Variants in CHD9 observed in about 807,000 individuals in gnomAD.
CHD9 encodes chromodomain helicase DNA binding protein 9.
In CHD9, 77 loss-of-function variants were observed where a neutral mutation model predicts 316.1. The observed-to-expected ratio is 0.24, with a 90% CI of 0.20 to 0.29. The LOEUF (loss-of-function observed/expected upper bound fraction) is 0.29. Ranked by LOEUF, CHD9 falls within the 10% of genes least tolerant of loss-of-function variation. The probability of loss-of-function intolerance (pLI) is 1.00; values close to 1 mark genes in which losing one functional copy is unlikely to be tolerated. For missense variants in CHD9, 2,763 were observed against 3,438.1 expected, an observed-to-expected ratio of 0.80 and a Z score of 4.91; for synonymous variants, 1,129 against 1,158.3, an observed-to-expected ratio of 0.97 and a Z score of 0.51.
At position 53,296,740 on chromosome 16, in the gene CHD9, C is replaced by T. The variant is rs147841746; in HGVS notation, c.5511-216C>T. 1.1e-3 allele frequency among the ~76,000 whole-genome samples: 167 copies of T among 151,846 alleles called. No homozygotes were observed. The East Asian group carries it at 0.026, about 24-fold the overall frequency. ...GATTACAGGCATGAGCCACCGCGCCCGACCCATTAAAAGTAAATTTTTCTA... is the reference window on the plus strand; with the variant it reads ...GATTACAGGCATGAGCCACCGCGCCTGACCCATTAAAAGTAAATTTTTCTA... On this transcript the variant is annotated intron_variant, in intron 29 of 38. Coordinates refer to ENST00000447540, the MANE Select transcript of CHD9 (RefSeq NM_001308319.2).
chr16:53,136,135 A>G (rs1376050265), intron 1 of CHD9, among the ~76,000 whole-genome samples: 1 of 152,202 alleles, frequency 6.6e-6, no homozygotes, highest in African/African-American at 2.4e-5. Context: ...AATAGCTGTC[A>G]GATACTGATG....
chr16:53,183,773 ACAATACAATG>A (rs1397355767), intron 2 of CHD9, among the ~76,000 whole-genome samples: 2 of 152,154 alleles, frequency 1.3e-5, no homozygotes, highest in East Asian at 3.9e-4. Context: ...ACAATACAAT[ACAATACAATG>A]CAATACAATG....
At chr16:53,097,354 CCCTTCCTTCCTT>C (rs58688221) in intron 1 of CHD9, among the ~76,000 whole-genome samples, 194 of 92,156 alleles carry the variant, frequency 2.1e-3, no homozygotes, top group Middle Eastern at 4.7e-3. Context: ...ACCTCGCTCT[CCCTTCCTTCCTT>C]CCTTCCTTCC....
At chr16:53,274,464 C>T (rs1279950453) in intron 24 of CHD9, among the ~76,000 whole-genome samples, 162 bp downstream of exon 24, 2 of 151,948 alleles carry the variant, frequency 1.3e-5, no homozygotes, top group African/African-American at 2.4e-5. Flanking sequence ...TTTATTTATT[C>T]ATTTTTTTTT....
chr16:53,270,104 A>G (rs2052091597), intron 22 of CHD9, among the ~76,000 whole-genome samples: 2 of 151,678 alleles, frequency 1.3e-5, no homozygotes, highest in Admixed American at 6.6e-5. Context: ...TCCTGGGCTC[A>G]AGTGATCCTC....
At chr16:53,076,971 G>A (rs1257733138) in intron 1 of CHD9, among the ~76,000 whole-genome samples, 1 of 148,812 alleles carries the variant, frequency 6.7e-6, no homozygotes, top group Non-Finnish European at 1.5e-5. Flanking sequence ...CATGCCACCA[G>A]GCCCAACTAA....
chr16:53,171,501 A>C (rs1283546100), intron 2 of CHD9, among the ~76,000 whole-genome samples: 2 of 152,224 alleles, frequency 1.3e-5, no homozygotes, highest in African/African-American at 4.8e-5. Flanking sequence ...AGATAGACAT[A>C]TGACAACTAG....
chr16:53,287,158 G>A (rs371145538), intron 26 of CHD9, among the ~76,000 whole-genome samples: 29 of 152,178 alleles, frequency 1.9e-4, no homozygotes, highest in African/African-American at 6.0e-4. Context: ...TAGAGATGAG[G>A]TCTCCCTGTG....
At chr16:53,231,849 C>T (rs2048202832) in intron 10 of CHD9, 65 bp downstream of exon 10, 5 of 1,329,222 alleles carry the variant, frequency 3.8e-6, no homozygotes, top group Non-Finnish European at 5.2e-6. Context: ...TATGATATTG[C>T]TAATAATTAT....
intron 24 of CHD9, among the ~76,000 whole-genome samples, chr16:53,276,140 T>C (rs1171669291): frequency 2.0e-5 from 3 of 152,198 alleles, no homozygotes; most frequent in Non-Finnish European, 4.4e-5. Context: ...ATAGATTCTA[T>C]AGTCTAGCAC....
chr16:53,195,096 CA>C (rs1021568942), intron 2 of CHD9, among the ~76,000 whole-genome samples: 1 of 152,104 alleles, frequency 6.6e-6, no homozygotes, highest in African/African-American at 2.4e-5. Context: ...AGAAAATACA[CA>C]AATTAAAAGT....
intron 3 of CHD9, among the ~76,000 whole-genome samples, chr16:53,211,735 CATTT>C (rs1302759697): frequency 6.6e-6 from 1 of 150,824 alleles, no homozygotes; most frequent in African/African-American, 2.4e-5. Flanking sequence ...CAGTGTCAAT[CATTT>C]ATATCAGTCA....
chr16:53,159,244 T>C (rs917108717), intron 2 of CHD9, among the ~76,000 whole-genome samples: 4 of 151,954 alleles, frequency 2.6e-5, no homozygotes, highest in African/African-American at 9.7e-5. Context: ...ATCACACCAC[T>C]GCCAGTCTAG....
intron 1 of CHD9, among the ~76,000 whole-genome samples, chr16:53,089,579 A>G (rs908889012): frequency 6.6e-5 from 10 of 152,354 alleles, no homozygotes; most frequent in Admixed American, 2.0e-4. Flanking sequence ...GACTTTGCCC[A>G]TGGTCAACAT....
chr16:53,217,519 G>C (rs2046857933), intron 3 of CHD9, among the ~76,000 whole-genome samples: 2 of 152,118 alleles, frequency 1.3e-5, no homozygotes, highest in Non-Finnish European at 2.9e-5. Context: ...TTCCAAAAGT[G>C]CTGGGATCAC....
chr16:53,229,252 A>G (rs1027879044), intron 8 of CHD9, among the ~76,000 whole-genome samples, 152 bp downstream of exon 8: 5 of 152,174 alleles, frequency 3.3e-5, no homozygotes, highest in African/African-American at 1.2e-4. Flanking sequence ...TCTCTTCTCA[A>G]AATTAGCTTG....
Position 53,285,716 on chromosome 16 carries a change from G to A in CHD9, c.5071+17G>A, listed in dbSNP as rs1193557023. 7.0e-7 allele frequency: 1 copy of A among 1,424,870 alleles called. No homozygotes were observed. Among genetic ancestry groups the A allele is most frequent in the Non-Finnish European group, 9.8e-7 (1 of 1,017,322 alleles). 88.3% of individuals were successfully genotyped at this position (1,424,870 alleles called of 1,614,324 possible). ...TTAAACATGGTAAGTAAGAAGTAAG[G>A]TAGGTGAGATCCCCTTCTATGTATA... On this transcript the variant is annotated intron_variant, in intron 25 of 38. Coordinates refer to ENST00000447540, the MANE Select transcript of CHD9 (RefSeq NM_001308319.2).
At chr16:53,132,793 CTTTTTTTTTT>C (rs748626858) in intron 1 of CHD9, among the ~76,000 whole-genome samples, 17 of 68,476 alleles carry the variant, frequency 2.5e-4, no homozygotes, top group East Asian at 4.8e-4. Context: ...TCTAATTCTG[CTTTTTTTTTT>C]TTTTTTTTTT....
At chr16:53,185,787 C>T (rs2043948492) in intron 2 of CHD9, among the ~76,000 whole-genome samples, 1 of 152,248 alleles carries the variant, frequency 6.6e-6, no homozygotes. Flanking sequence ...GGCCAACGTA[C>T]AGCTCAGGCT....
Sources: allele counts gnomAD v4.1 joint callset (sites outside exome capture counted in the v4.1 genomes callset), GRCh38; gene constraint gnomAD v4.1.1; transcripts MANE v1.5; gene names NCBI Gene and HGNC (gene_info 2026-07-23, HGNC 2026-07-21).